RUNX1: variants seen among roughly 807,000 people sequenced by gnomAD.
The protein encoded by RUNX1 is RUNX family transcription factor 1.
A neutral mutation model predicts 42.8 loss-of-function variants in RUNX1; 19 were observed. The ratio of observed to expected loss-of-function variants is 0.44; its 90% CI spans 0.31 to 0.65. RUNX1 has a LOEUF of 0.65. Among genes scored for constraint, RUNX1 ranks in the 30% least tolerant of loss-of-function variants. The pLI, the probability that RUNX1 is intolerant of heterozygous loss-of-function variation, is 0.07. For synonymous variants in RUNX1, 271 were observed against 289.4 expected (o/e 0.94, Z 0.64); for missense variants, 528 against 672.0 (o/e 0.79, Z 2.37).
intron 3 of RUNX1, chr21:34,888,768 T>C: frequency 3.5e-6 from 3 of 860,028 alleles, no homozygotes; most frequent in Non-Finnish European, 4.3e-6. Context: ...CTCGTTTGCA[T>C]AGGGGCGGCC....
At chr21:34,991,124 C>T (rs1601643603) in intron 2 of RUNX1, among the ~76,000 whole-genome samples, 1 of 152,190 alleles carries the variant, frequency 6.6e-6, no homozygotes, top group Non-Finnish European at 1.5e-5. Flanking sequence ...TCCACTGCTG[C>T]GCTGGCGAAG....
rs2056452722 is a variant in RUNX1, at chr21:34,792,334, T to G, written c.1244A>C (p.Gln415Pro). The G allele has an allele frequency of 1.4e-6, 2 of 1,478,180 alleles. No individual in the cohort carries two copies. Among genetic ancestry groups the G allele is most frequent in the East Asian group, 2.8e-5 (1 of 35,856 alleles). 91.6% of individuals were successfully genotyped at this position (1,478,180 alleles called of 1,614,324 possible). A position where few individuals can be genotyped will look rare whatever the true frequency, so the allele number is the denominator to read the frequency against. ...GCGCTCGCCGCCCACCATGGAGAACTGGTAGGAGCCGGCCGAGGCGCCGTA... is the reference window on the plus strand; with the variant it reads ...GCGCTCGCCGCCCACCATGGAGAACGGGTAGGAGCCGGCCGAGGCGCCGTA... ...LYYGASAGSYQFSMVGGERSP... is the reference protein window; with the variant it reads ...LYYGASAGSYPFSMVGGERSP... The change falls in exon 9 of 9, where the codon CAG becomes CCG. Residue 415 changes from glutamine to proline, a missense_variant. By Grantham distance (76) the Gln-to-Pro change is moderately conservative (BLOSUM62 -1). Coordinates refer to ENST00000675419, the MANE Select transcript of RUNX1 (RefSeq NM_001754.5). This position sits in a 1 kb window ranked among gnomAD's most constrained non-coding sequence, Gnocchi z 6.9.
intron 2 of RUNX1, among the ~76,000 whole-genome samples, chr21:34,955,685 T>C (rs563138150): frequency 1.3e-5 from 2 of 152,316 alleles, no homozygotes; most frequent in South Asian, 4.1e-4. Context: ...TTTCCGAAGG[T>C]GAATTTTTAA....
chr21:35,048,681 A>T (rs762724931), intron 2 of RUNX1, among the ~76,000 whole-genome samples, 161 bp downstream of exon 2: 26 of 152,370 alleles, frequency 1.7e-4, no homozygotes, highest in Non-Finnish European at 3.7e-4. Flanking sequence ...TAAGTAATCC[A>T]ATAGACTTGT....
intron 3 of RUNX1, chr21:34,887,358 C>T (rs925836416): frequency 2.2e-5 from 31 of 1,433,090 alleles, no homozygotes; most frequent in Admixed American, 5.5e-5. Context: ...TCCTAGCAAC[C>T]GATTGCTTAG....
chr21:34,969,848 C>A (rs893160467), intron 2 of RUNX1, among the ~76,000 whole-genome samples: 1 of 151,524 alleles, frequency 6.6e-6, no homozygotes, highest in Non-Finnish European at 1.5e-5. Flanking sequence ...GAAAGAAAGA[C>A]AAAAGACTGG....
intron 2 of RUNX1, 39 bp from the exon 3 acceptor site, chr21:34,893,002 G>A (rs1482286929): frequency 1.5e-6 from 2 of 1,359,414 alleles, no homozygotes; most frequent in African/African-American, 2.9e-5. Flanking sequence ...AGTAATGCAA[G>A]TTTAAAAATT....
chr21:34,917,362 T>C (rs1191110002), intron 2 of RUNX1, among the ~76,000 whole-genome samples: 3 of 152,214 alleles, frequency 2.0e-5, no homozygotes, highest in East Asian at 1.9e-4. Context: ...AGGGCACAGA[T>C]GCAGATGTCC....
At chr21:34,966,716 T>C (rs960638045) in intron 2 of RUNX1, among the ~76,000 whole-genome samples, 1 of 152,246 alleles carries the variant, frequency 6.6e-6, no homozygotes, top group African/African-American at 2.4e-5. Context: ...TTTGCCCTTC[T>C]ATTTATTTTT....
intron 2 of RUNX1, among the ~76,000 whole-genome samples, chr21:34,913,030 A>C (rs1489177655): frequency 6.6e-6 from 1 of 152,190 alleles, no homozygotes; most frequent in Admixed American, 6.5e-5. Flanking sequence ...CAGGAGTTTA[A>C]AACCAGCCTG....
chr21:35,038,656 A>C (rs1224901386), intron 2 of RUNX1: 1 of 448,956 alleles, frequency 2.2e-6, no homozygotes. Flanking sequence ...TGAGATAGAG[A>C]GAGAGAGAGA....
At chr21:34,988,062 T>C (rs2058905678) in intron 2 of RUNX1, among the ~76,000 whole-genome samples, 2 of 152,204 alleles carry the variant, frequency 1.3e-5, no homozygotes, top group Admixed American at 6.5e-5. Context: ...GAATTCACTC[T>C]GTAAATTTCT....
intron 6 of RUNX1, among the ~76,000 whole-genome samples, chr21:34,852,057 A>G (rs563785856): frequency 5.3e-5 from 8 of 152,204 alleles, no homozygotes; most frequent in Admixed American, 3.9e-4. Context: ...AGTCCCAGCT[A>G]CTCGGGAGGC....
chr21:34,946,344 C>A (rs1317570050), intron 2 of RUNX1, among the ~76,000 whole-genome samples: 1 of 152,192 alleles, frequency 6.6e-6, no homozygotes, highest in Non-Finnish European at 1.5e-5. Context: ...CCCACAAATA[C>A]CATGGGCTTG....
chr21:34,972,019 T>C (rs900609359), intron 2 of RUNX1, among the ~76,000 whole-genome samples: 11 of 152,214 alleles, frequency 7.2e-5, no homozygotes, highest in Non-Finnish European at 1.6e-4. Flanking sequence ...TAGAACACTT[T>C]CTCCTGAACA....
intron 1 of RUNX1, 46 bp from the exon 2 acceptor site, chr21:35,049,004 T>G (rs1480143816): frequency 3.3e-6 from 3 of 918,996 alleles, no homozygotes; most frequent in Admixed American, 1.7e-5. Context: ...GCCTCACCCC[T>G]CTAGCCCTAC....
intron 2 of RUNX1, among the ~76,000 whole-genome samples, chr21:35,021,448 T>C (rs751922341): frequency 1.3e-5 from 2 of 152,338 alleles, no homozygotes; most frequent in East Asian, 1.9e-4. Context: ...GCAATAATGA[T>C]AGAAGCTCCA....
At chr21:34,866,138 T>G (rs1053733610) in intron 5 of RUNX1, among the ~76,000 whole-genome samples, 1 of 152,154 alleles carries the variant, frequency 6.6e-6, no homozygotes, top group Non-Finnish European at 1.5e-5. Context: ...GATGTGAAAC[T>G]TGCCCTTTGT....
chr21:34,822,969 G>T (rs77367013), intron 7 of RUNX1, among the ~76,000 whole-genome samples: 6,446 of 152,170 alleles, frequency 0.042, 342 homozygotes, highest in African/African-American at 0.13. Context: ...AAAGCAACTG[G>T]ACATATGTAG....
Sources: gnomAD v4.1 joint callset for allele counts (sites outside exome capture counted in the v4.1 genomes callset) on GRCh38, gnomAD v4.1.1 for gene constraint, Gnocchi (gnomAD v3.1) non-coding constraint, MANE v1.5 for transcripts, NCBI Gene and HGNC (gene_info 2026-07-23, HGNC 2026-07-21) for gene names.